Variants in STK10 observed in about 807,000 individuals in gnomAD.
The protein encoded by STK10 is serine/threonine-protein kinase 10.
A neutral mutation model predicts 113.8 loss-of-function variants in STK10; 78 were observed. The observed-to-expected ratio is 0.69, with a 90% CI of 0.57 to 0.83. STK10 has a LOEUF of 0.83. Among genes scored for constraint, STK10 ranks in the 40% least tolerant of loss-of-function variants. The pLI is 0.00. For missense variants in STK10, 1,109 were observed against 1,280.1 expected (o/e 0.87, Z 2.04); for synonymous variants, 465 against 494.7 (o/e 0.94, Z 0.80).
chr5:172,178,500 CA>C (rs1171381054), intron 1 of STK10, among the ~76,000 whole-genome samples: 18 of 152,198 alleles, frequency 1.2e-4, no homozygotes, highest in African/African-American at 4.1e-4. Flanking sequence ...CTGGAAGCAG[CA>C]GGGGAGGCCG....
chr5:172,057,599 T>C (rs973964194), intron 14 of STK10, 126 bp from the exon 15 acceptor site: 27 of 1,420,074 alleles, frequency 1.9e-5, no homozygotes, highest in Middle Eastern at 2.6e-4. Context: ...GGCTCAGGAA[T>C]TGCCACATGT....
intron 7 of STK10, among the ~76,000 whole-genome samples, chr5:172,098,948 CCAT>C (rs775170058): frequency 0.015 from 2,252 of 151,022 alleles, 57 homozygotes; most frequent in African/African-American, 0.051. Flanking sequence ...ACCACCACCA[CCAT>C]CATCACCTTC....
rs931899046 is a variant in STK10, at chr5:172,042,683, T to C, written c.*2199A>G. On this transcript the variant is annotated 3_prime_UTR_variant, in exon 19 of 19. Transcript: ENST00000176763. ...CTAGTTCATGTTTCCCCAGCACCAA[T>C]GCACCAAAGAGAATAAAAGGAGACA... is the stretch of plus-strand genomic sequence containing the variant. 9.2e-5 allele frequency: 14 copies of C among 152,332 alleles called. No homozygotes were observed. The highest frequency in any genetic ancestry group is 3.1e-4 in the African/African-American group (13 of 41,564). The allele number at this position is 152,332 out of a possible 1,614,324, so 9.4% of individuals were successfully genotyped here.
At chr5:172,066,715 G>A (rs529284389) in intron 12 of STK10, among the ~76,000 whole-genome samples, 2 of 152,240 alleles carry the variant, frequency 1.3e-5, no homozygotes, top group South Asian at 2.1e-4. Context: ...GAACTCAGGC[G>A]GCGTAGGTTG....
At position 172,133,579 on chromosome 5, in the gene STK10, C is replaced by T. The variant is rs887389625; in HGVS notation, c.322-6158G>A. Among the ~76,000 whole-genome samples, 3 of 152,088 alleles carry T rather than the reference C, an allele frequency of 2.0e-5. No homozygotes were observed. Among genetic ancestry groups the T allele is most frequent in the East Asian group, 3.9e-4 (2 of 5,176 alleles). ...TTGTGCTTGATGGTGTGGAATGCCA[C>T]GTCGTCTCACTCTGGAGCTAATTAG... On this transcript the variant is annotated intron_variant, in intron 2 of 18. Transcript: ENST00000176763. The surrounding 1 kb of genome is among the most constrained non-coding windows in gnomAD (Gnocchi z 4.9).
chr5:172,055,870 C>T, intron 15 of STK10, 94 bp from the exon 16 acceptor site: 1 of 1,103,510 alleles, frequency 9.1e-7, no homozygotes, highest in Non-Finnish European at 1.2e-6. Context: ...ACTCAGGGGC[C>T]CAGGACCAAC....
chr5:172,138,115 AAATT>A (rs1196853233), intron 2 of STK10, among the ~76,000 whole-genome samples: 1 of 151,884 alleles, frequency 6.6e-6, no homozygotes, highest in Admixed American at 6.6e-5. Context: ...AGGAGAAATA[AAATT>A]ATTATTATTA....
chr5:172,130,849 G>A (rs1191586226), intron 2 of STK10, among the ~76,000 whole-genome samples: 1 of 152,070 alleles, frequency 6.6e-6, no homozygotes, highest in Non-Finnish European at 1.5e-5. Context: ...TCTACCAAAT[G>A]AAATCACCAG....
chr5:172,088,711 G>A (rs1397488369), intron 10 of STK10, among the ~76,000 whole-genome samples: 10 of 152,050 alleles, frequency 6.6e-5, no homozygotes, highest in Non-Finnish European at 1.3e-4. Flanking sequence ...CCAGCTACAT[G>A]GTCCAGTGAA....
At chr5:172,057,544 C>T (rs1361671223) in intron 14 of STK10, 71 bp from the exon 15 acceptor site, 21 of 1,512,810 alleles carry the variant, frequency 1.4e-5, no homozygotes, top group Non-Finnish European at 1.8e-5. Context: ...CTGCCCCCCA[C>T]CTCTGCCTGG....
chr5:172,113,310 T>C (rs1769282800), intron 4 of STK10, among the ~76,000 whole-genome samples: 1 of 152,198 alleles, frequency 6.6e-6, no homozygotes, highest in African/African-American at 2.4e-5. Flanking sequence ...CCCAGCACTC[T>C]GCTTCTGAGA....
chr5:172,127,038 G>A (rs548719438), intron 3 of STK10, among the ~76,000 whole-genome samples: 20 of 152,048 alleles, frequency 1.3e-4, no homozygotes, highest in South Asian at 2.1e-4. Context: ...GTGGTGGCAC[G>A]GACCTGTAAT....
At chr5:172,100,240 T>C (rs766116387) in intron 7 of STK10, among the ~76,000 whole-genome samples, 2 of 152,208 alleles carry the variant, frequency 1.3e-5, no homozygotes, top group Non-Finnish European at 2.9e-5. Flanking sequence ...TAGGCTGGTC[T>C]GGGCACACGT....
chr5:172,105,066 A>G (rs1769066775), intron 7 of STK10, among the ~76,000 whole-genome samples: 2 of 152,056 alleles, frequency 1.3e-5, no homozygotes, highest in Admixed American at 1.3e-4. Context: ...TGCTGAGGCC[A>G]GGTGTTCTCC....
intron 18 of STK10, among the ~76,000 whole-genome samples, chr5:172,048,919 G>GGT (rs1328712208): frequency 6.6e-6 from 1 of 151,940 alleles, no homozygotes; most frequent in Non-Finnish European, 1.5e-5. Flanking sequence ...TCACGAGCAA[G>GGT]GTGTCCGGGC....
chr5:172,105,942 G>C (rs1309446298), intron 6 of STK10, among the ~76,000 whole-genome samples: 1 of 152,224 alleles, frequency 6.6e-6, no homozygotes, highest in African/African-American at 2.4e-5. Flanking sequence ...GCGAGGAGCA[G>C]GGACGTGCCC....
At chr5:172,161,082 G>A (rs1770460124) in intron 1 of STK10, among the ~76,000 whole-genome samples, 1 of 152,184 alleles carries the variant, frequency 6.6e-6, no homozygotes, top group African/African-American at 2.4e-5. Context: ...TACTGAAAGT[G>A]ACGAGACAGC....
At chr5:172,052,097 G>A (rs1767641252) in intron 18 of STK10, among the ~76,000 whole-genome samples, 1 of 152,180 alleles carries the variant, frequency 6.6e-6, no homozygotes, top group African/African-American at 2.4e-5. Flanking sequence ...AAGCAGGGAG[G>A]CTATCCCGTG....
intron 4 of STK10, among the ~76,000 whole-genome samples, chr5:172,111,631 T>C (rs1475386973): frequency 6.6e-6 from 1 of 152,170 alleles, no homozygotes; most frequent in African/African-American, 2.4e-5. Context: ...CACCATGCAG[T>C]CTCTTCTGAT....
Sources: gnomAD v4.1 joint callset for allele counts (sites outside exome capture counted in the v4.1 genomes callset) on GRCh38, gnomAD v4.1.1 for gene constraint, Gnocchi (gnomAD v3.1) non-coding constraint, MANE v1.5 for transcripts, NCBI Gene and HGNC (gene_info 2026-07-23, HGNC 2026-07-21) for gene names.